SEMA6A: variants seen among roughly 807,000 people sequenced by gnomAD.
The protein encoded by SEMA6A is semaphorin 6A.
A neutral mutation model predicts 96.8 loss-of-function variants in SEMA6A; 25 were observed. The ratio of observed to expected loss-of-function variants is 0.26; its 90% CI spans 0.19 to 0.36. SEMA6A has a LOEUF of 0.36. SEMA6A is among the 10% of genes least tolerant of loss of function. SEMA6A has a pLI of 1.00. For missense variants in SEMA6A, 1,363 were observed against 1,323.1 expected, an observed-to-expected ratio of 1.03 and a Z score of -0.47; for synonymous variants, 612 against 518.0, an observed-to-expected ratio of 1.18 and a Z score of -2.46.
intron 1 of SEMA6A, among the ~76,000 whole-genome samples, chr5:116,527,155 A>G (rs184860969): frequency 3.3e-5 from 5 of 152,310 alleles, no homozygotes; most frequent in African/African-American, 1.2e-4. Flanking sequence ...TCCCGACAAT[A>G]AAGTTTAAAC....
intron 3 of SEMA6A, among the ~76,000 whole-genome samples, chr5:116,500,729 G>A (rs1316369361): frequency 3.3e-5 from 5 of 152,270 alleles, no homozygotes; most frequent in African/African-American, 1.2e-4. Context: ...TCTAGACCGG[G>A]CATGGTGGCT....
intron 18 of SEMA6A, among the ~76,000 whole-genome samples, chr5:116,462,091 T>G (rs1755442826): frequency 6.6e-6 from 1 of 152,272 alleles, no homozygotes; most frequent in Non-Finnish European, 1.5e-5. Flanking sequence ...TATGACTTGA[T>G]AGGAGCCAAA....
At chr5:116,562,831 T>C in intron 1 of SEMA6A, 3 of 698,544 alleles carry the variant, frequency 4.3e-6, no homozygotes, top group Non-Finnish European at 8.1e-6. Flanking sequence ...TGGGTATTAC[T>C]GCCTTACACA....
At chr5:116,559,066 G>C (rs907381920) in intron 1 of SEMA6A, among the ~76,000 whole-genome samples, 2 of 152,068 alleles carry the variant, frequency 1.3e-5, no homozygotes, top group Non-Finnish European at 1.5e-5. Flanking sequence ...TTTTAACAGT[G>C]GTTTTTATAG....
intron 1 of SEMA6A, 34 bp from the exon 2 acceptor site, chr5:116,505,016 G>A (rs1430131359): frequency 1.6e-5 from 17 of 1,083,968 alleles, no homozygotes; most frequent in Middle Eastern, 2.0e-4. Context: ...TTTTTTCCAA[G>A]TCAGCTTTGT....
At chr5:116,476,196 G>A (rs538467363) in intron 15 of SEMA6A, among the ~76,000 whole-genome samples, 2 of 152,242 alleles carry the variant, frequency 1.3e-5, no homozygotes, top group East Asian at 1.9e-4. Flanking sequence ...TCTTTGACAT[G>A]CTCATGTTTC....
In SEMA6A at chr5:116,513,858, C is replaced by G. The variant is rs148933798; in HGVS notation, c.-38-8876G>C. Among the ~76,000 whole-genome samples the G allele has an allele frequency of 2.2e-3, 332 of 152,270 alleles. 4 individuals are homozygous for G. Among genetic ancestry groups the G allele is most frequent in the South Asian group, 0.013 (61 of 4,818 alleles). ...ATTTGTTCTCATCATTTAGCTCCCA[C>G]TTGTAAGTAAGAACATGCGGTATTT... On this transcript the variant is annotated intron_variant, in intron 1 of 18. Transcript: ENST00000343348.
At chr5:116,544,917 T>C (rs1192404703) in intron 1 of SEMA6A, among the ~76,000 whole-genome samples, 2 of 152,232 alleles carry the variant, frequency 1.3e-5, no homozygotes, top group African/African-American at 4.8e-5. Context: ...TTCCTGGTTC[T>C]CTTTGCCTTC....
Position 116,447,195 on chromosome 5 carries a change from C to A in SEMA6A, c.2511G>T (p.Glu837Asp), listed in dbSNP as rs375544490. The A allele has an allele frequency of 1.2e-5, 20 of 1,613,938 alleles. No homozygotes were observed. The African/African-American group carries it at 2.5e-4, about 20-fold the overall frequency. The change falls in exon 19 of 19, where the codon GAG (glutamate) becomes GAT (aspartate). Residue 837 changes from glutamate (E) to aspartate (D), a missense_variant. By Grantham distance (45) the Glu-to-Asp change is conservative. This residue lies in a region of SEMA6A where 883 missense variants were observed against 763.6 expected (regional missense o/e 1.16). Transcript: ENST00000343348. The stretch of plus-strand genomic sequence containing the variant: ...GGTCCTCCAGCGCCATCTGGGCCAC[C>A]TCGCTCATTTTGGGCTGGTCCACGT... ...HEYVDQPKMS[E>D]VAQMALEDQA...
chr5:116,464,151 C>T (rs1755582520), intron 18 of SEMA6A, among the ~76,000 whole-genome samples: 1 of 152,020 alleles, frequency 6.6e-6, no homozygotes, highest in Non-Finnish European at 1.5e-5. Context: ...GATTAGAGCC[C>T]CTTTGTAACT....
chr5:116,481,975 T>C (rs944633801), intron 11 of SEMA6A, among the ~76,000 whole-genome samples: 4 of 152,150 alleles, frequency 2.6e-5, no homozygotes, highest in African/African-American at 7.2e-5. Context: ...ACCCTCGGTC[T>C]AGAGTCCTAG....
At chr5:116,480,095 T>C (rs1756673382) in intron 12 of SEMA6A, 27 bp downstream of exon 12, 1 of 1,610,590 alleles carries the variant, frequency 6.2e-7, no homozygotes, top group Non-Finnish European at 8.5e-7. Flanking sequence ...AGGAAATCCA[T>C]CAGGACACGG....
At chr5:116,510,639 G>T (rs753413652) in intron 1 of SEMA6A, among the ~76,000 whole-genome samples, 1 of 151,832 alleles carries the variant, frequency 6.6e-6, no homozygotes, top group African/African-American at 2.4e-5. Context: ...CAAAATTCTC[G>T]GGGAGGTCCT....
intron 15 of SEMA6A, among the ~76,000 whole-genome samples, chr5:116,477,235 C>A (rs1170565836): frequency 6.6e-6 from 1 of 152,162 alleles, no homozygotes; most frequent in African/African-American, 2.4e-5. Context: ...GCATTTAAAG[C>A]CAGGGTAACA....
In SEMA6A at chr5:116,574,332, T is replaced by A. The variant is rs1761373035; in HGVS notation, c.-186A>T. On this transcript the variant is annotated 5_prime_UTR_variant, in exon 1 of 19. Coordinates refer to ENST00000343348, the MANE Select transcript of SEMA6A (RefSeq NM_020796.5). ...CAAGCCTTTGTCATTCCTACATGTGTGCTTGTCTCTTTGGGGGAAATAGTC... is the reference window on the plus strand; with the variant it reads ...CAAGCCTTTGTCATTCCTACATGTGAGCTTGTCTCTTTGGGGGAAATAGTC... 6.6e-6 allele frequency: 1 copy of A among 151,940 alleles called. No individual in the cohort carries two copies. Among genetic ancestry groups the A allele is most frequent in the Non-Finnish European group, 1.5e-5 (1 of 67,902 alleles). 9.4% of individuals were successfully genotyped at this position (151,940 alleles called of 1,614,324 possible).
At chr5:116,545,451 T>A (rs1760146970) in intron 1 of SEMA6A, among the ~76,000 whole-genome samples, 1 of 151,974 alleles carries the variant, frequency 6.6e-6, no homozygotes, top group Non-Finnish European at 1.5e-5. Context: ...GCACCTGTAA[T>A]CCCAGCTACT....
intron 1 of SEMA6A, among the ~76,000 whole-genome samples, chr5:116,541,868 G>A (rs183663288): frequency 1.3e-5 from 2 of 152,086 alleles, no homozygotes; most frequent in Admixed American, 6.6e-5. Flanking sequence ...AAAAAATAGC[G>A]TGAACTCGGT....
intron 11 of SEMA6A, among the ~76,000 whole-genome samples, chr5:116,481,177 C>A (rs184657036): frequency 2.0e-5 from 3 of 152,276 alleles, no homozygotes; most frequent in Admixed American, 2.0e-4. Context: ...AAACTCACTG[C>A]CATTAGTAGA....
In SEMA6A at chr5:116,446,816, G is replaced by A; in HGVS notation, c.2890C>T (p.Gln964Ter). 1 of 1,613,718 alleles carries A rather than the reference G, an allele frequency of 6.2e-7. No homozygotes were observed. The highest frequency in any genetic ancestry group is 8.5e-7 in the Non-Finnish European group (1 of 1,179,756). Residue 964 changes from glutamine to a stop codon, truncating the protein, a stop_gained, in exon 19 of 19, where the codon CAG becomes TAG. Transcript: ENST00000343348. LOFTEE classifies it high-confidence loss of function. ...GRGDNPPPAP[Q>*]RVDSIQVHSS... The stretch of plus-strand genomic sequence containing the variant: ...TGCACCTGGATGGAGTCCACCCTCT[G>A]CGGGGCGGGCGGCGGGTTGTCTCCC...
Sources: gnomAD v4.1 joint callset for allele counts (sites outside exome capture counted in the v4.1 genomes callset) on GRCh38, gnomAD v4.1.1 for gene constraint, gnomAD v4.1.1 regional missense constraint, MANE v1.5 for transcripts, NCBI Gene and HGNC (gene_info 2026-07-23, HGNC 2026-07-21) for gene names.